FCGRT: variants seen among roughly 807,000 people sequenced by gnomAD.
FCGRT encodes the protein Fc gamma receptor and transporter.
In FCGRT, 13 loss-of-function variants were observed where a neutral mutation model predicts 35.7. The ratio of observed to expected loss-of-function variants is 0.36; its 90% CI spans 0.24 to 0.58. The LOEUF (loss-of-function observed/expected upper bound fraction) is 0.58, where lower values mean the gene tolerates loss of function less well. Among genes scored for constraint, FCGRT ranks in the 20% least tolerant of loss-of-function variants. FCGRT has a pLI of 0.77. For missense variants in FCGRT, 455 were observed against 474.9 expected, an observed-to-expected ratio of 0.96 and a Z score of 0.39; for synonymous variants, 233 against 216.5, an observed-to-expected ratio of 1.08 and a Z score of -0.67.
Position 49,524,008 on chromosome 19 carries a change from T to C in FCGRT, c.602-499T>C, listed in dbSNP as rs540666731. Among the ~76,000 whole-genome samples, 6 of 150,902 alleles carry C rather than the reference T, an allele frequency of 4.0e-5. No homozygotes were observed. In the South Asian group the frequency reaches 1.3e-3, roughly 32 times the overall value. ...GCTGTGGAATTTTTCATAATTATCC[T>C]CTATCTTTTTTTTTTTTTCTTTTTT... On this transcript the variant is annotated intron_variant, in intron 4 of 6. Transcript: ENST00000221466.
chr19:49,522,691 C>T lies in FCGRT; in HGVS notation c.602-1816C>T, dbSNP rs561483607. ...TCGTGATCCTCCTGCCTCCACCCCC[C>T]AAAGCGCCAGGATTCTAGGTGTGAG... is the stretch of plus-strand genomic sequence containing the variant. On this transcript the variant is annotated intron_variant, in intron 4 of 6. Transcript: ENST00000221466. Among the ~76,000 whole-genome samples, 11 of 151,458 alleles carry T rather than the reference C, an allele frequency of 7.3e-5. No homozygotes were observed. In the East Asian group the frequency reaches 1.8e-3, roughly 24 times the overall value.
chr19:49,516,579 C>G (rs2080009094), intron 4 of FCGRT, among the ~76,000 whole-genome samples: 1 of 144,770 alleles, frequency 6.9e-6, no homozygotes, highest in Non-Finnish European at 1.5e-5. Flanking sequence ...GTTTTTGAGA[C>G]AGACTCTTGC....
Position 49,526,166 on chromosome 19 carries a change from T to C in FCGRT, c.*47T>C, listed in dbSNP as rs750554577. 5 of 1,281,526 alleles carry C rather than the reference T, an allele frequency of 3.9e-6. No homozygotes were observed. The highest frequency in any genetic ancestry group is 5.7e-6 in the Non-Finnish European group (5 of 879,094). 79.4% of individuals were successfully genotyped at this position (1,281,526 alleles called of 1,614,324 possible). Reference sequence around the variant, plus strand: ...AAAAGCGAATGTAGTCAGGCCCCTTTCATGCTGTGAGACCTCCTGGAACAC... The same window carrying C: ...AAAAGCGAATGTAGTCAGGCCCCTTCCATGCTGTGAGACCTCCTGGAACAC... On this transcript the variant is annotated 3_prime_UTR_variant, in exon 7 of 7. Transcript: ENST00000221466.
chr19:49,518,595 A>G (rs2080022292), intron 4 of FCGRT, among the ~76,000 whole-genome samples: 1 of 152,138 alleles, frequency 6.6e-6, no homozygotes, highest in Non-Finnish European at 1.5e-5. Flanking sequence ...GTGCAGAGGC[A>G]CGAACTCGGC....
At chr19:49,517,926 C>T (rs746959903) in intron 4 of FCGRT, among the ~76,000 whole-genome samples, 3 of 152,088 alleles carry the variant, frequency 2.0e-5, no homozygotes, top group East Asian at 1.9e-4. Flanking sequence ...CTCCTGACCT[C>T]GTGATCCACC....
At chr19:49,520,509 C>T (rs1009039990) in intron 4 of FCGRT, among the ~76,000 whole-genome samples, 1 of 152,006 alleles carries the variant, frequency 6.6e-6, no homozygotes, top group Non-Finnish European at 1.5e-5. Flanking sequence ...CCATGCCTAG[C>T]TAATTTTTAT....
intron 5 of FCGRT, 69 bp downstream of exon 5, chr19:49,524,845 C>T (rs1218715309): frequency 6.9e-6 from 10 of 1,457,428 alleles, no homozygotes; most frequent in Non-Finnish European, 7.5e-6. Context: ...GCCGGTCCTT[C>T]CTGAGTCTGA....
At chr19:49,513,256 C>T (rs1207712626) in intron 1 of FCGRT, 131 bp from the exon 2 acceptor site, 16 of 402,148 alleles carry the variant, frequency 4.0e-5, no homozygotes, top group Non-Finnish European at 6.2e-5. Context: ...ACGAGGAGGG[C>T]ATTGTTGTCA....
chr19:49,526,385 G>A lies in FCGRT; in HGVS notation c.*266G>A, dbSNP rs1601202560. 1.2e-5 allele frequency: 6 copies of A among 485,426 alleles called. No individual in the cohort carries two copies. The Admixed American group carries it at 2.3e-4, about 18-fold the overall frequency. 30.1% of individuals were successfully genotyped at this position (485,426 alleles called of 1,614,324 possible). A position where few individuals can be genotyped will look rare whatever the true frequency, so the allele number is the denominator to read the frequency against. Reference sequence around the variant, plus strand: ...CAGGGGAGGTAAGGGAATAAGTCGGGGGACTGAATGGCGGCTGGGCCTCGG... The same window carrying A: ...CAGGGGAGGTAAGGGAATAAGTCGGAGGACTGAATGGCGGCTGGGCCTCGG... On this transcript the variant is annotated 3_prime_UTR_variant, in exon 7 of 7. Coordinates refer to ENST00000221466, the MANE Select transcript of FCGRT (RefSeq NM_001136019.3).
intron 5 of FCGRT, 52 bp downstream of exon 5, chr19:49,524,828 C>T (rs530665081): frequency 2.0e-6 from 3 of 1,536,362 alleles, no homozygotes; most frequent in South Asian, 2.3e-5. Flanking sequence ...CCTTGTCTCA[C>T]TGCTGCGCCG....
intron 6 of FCGRT, 90 bp downstream of exon 6, chr19:49,525,663 A>G (rs1243738863): frequency 1.6e-5 from 14 of 851,460 alleles, no homozygotes; most frequent in Admixed American, 4.1e-5. Context: ...AGACCCAGAG[A>G]GGGGGGACAG....
chr19:49,525,919 T>A (rs548907810), intron 6 of FCGRT, 91 bp from the exon 7 acceptor site: 3 of 816,278 alleles, frequency 3.7e-6, no homozygotes, highest in Non-Finnish European at 6.5e-6. Flanking sequence ...TGAGGAAGAG[T>A]GTGTGAGACA....
chr19:49,514,862 T>C (rs1342887963), intron 4 of FCGRT, among the ~76,000 whole-genome samples: 1 of 151,694 alleles, frequency 6.6e-6, no homozygotes, highest in Non-Finnish European at 1.5e-5. Flanking sequence ...CCGGCTAATT[T>C]TGTATTTTTA....
chr19:49,522,089 T>C (rs1038339431), intron 4 of FCGRT, among the ~76,000 whole-genome samples: 3 of 151,252 alleles, frequency 2.0e-5, no homozygotes, highest in African/African-American at 7.3e-5. Context: ...TTTTTTTTTT[T>C]AGACGGAGTC....
rs958232120 is a variant in FCGRT, at chr19:49,525,227, C to T, written c.872-230C>T. 13 of 538,514 alleles carry T rather than the reference C, an allele frequency of 2.4e-5. 1 individual carries two copies. Among genetic ancestry groups the T allele is most frequent in the South Asian group, 2.2e-4 (12 of 53,548 alleles). 33.4% of individuals were successfully genotyped at this position (538,514 alleles called of 1,614,324 possible). Reference sequence around the variant, plus strand: ...CTGCACTGGCACAGCCCCGCCTTGCCGCTGCTGATCCATTGCCGGTGTGAC... The same window carrying T: ...CTGCACTGGCACAGCCCCGCCTTGCTGCTGCTGATCCATTGCCGGTGTGAC... On this transcript the variant is annotated intron_variant, in intron 5 of 6. Coordinates refer to ENST00000221466, the MANE Select transcript of FCGRT (RefSeq NM_001136019.3).
At chr19:49,524,181 A>G (rs2080058917) in intron 4 of FCGRT, among the ~76,000 whole-genome samples, 1 of 151,492 alleles carries the variant, frequency 6.6e-6, no homozygotes, top group Non-Finnish European at 1.5e-5. Flanking sequence ...TAATTTTTGT[A>G]TTTTTAGTAG....
intron 4 of FCGRT, among the ~76,000 whole-genome samples, chr19:49,522,093 C>T (rs1201901590): frequency 1.4e-4 from 20 of 146,344 alleles, no homozygotes; most frequent in Non-Finnish European, 2.4e-4. Flanking sequence ...TTTTTTTAGA[C>T]GGAGTCTTGC....
At chr19:49,515,541 A>G (rs1262567017) in intron 4 of FCGRT, among the ~76,000 whole-genome samples, 1 of 152,112 alleles carries the variant, frequency 6.6e-6, no homozygotes, top group Admixed American at 6.6e-5. Context: ...TCCGCCTCCC[A>G]AAGTGCTGGG....
chr19:49,513,361 GAGTCAC>G lies in FCGRT; in HGVS notation c.-14-25_-14-20del. The stretch of plus-strand genomic sequence containing the variant: ...GAAGGGGCGGGCCGGGGGTCGGGAG[GAGTCAC>G]GTGCCCCCTCCCGCCCCAGGTCGTC... On this transcript the variant is annotated intron_variant, in intron 1 of 6. Transcript: ENST00000221466. 1.9e-6 allele frequency: 2 copies of G among 1,036,386 alleles called. No homozygotes were observed. The highest frequency in any genetic ancestry group is 2.5e-6 in the Non-Finnish European group (2 of 800,768). The allele number at this position is 1,036,386 out of a possible 1,614,324, so 64.2% of individuals were successfully genotyped here.
Sources: gnomAD v4.1 joint callset for allele counts (sites outside exome capture counted in the v4.1 genomes callset) on GRCh38, gnomAD v4.1.1 for gene constraint, MANE v1.5 for transcripts, NCBI Gene and HGNC (gene_info 2026-07-23, HGNC 2026-07-21) for gene names.